Variants in TRA2B observed in about 807,000 individuals in gnomAD.
TRA2B encodes the protein transformer 2 beta homolog, also known as transformer-2 protein homolog beta.
Under a neutral mutation model 41.7 loss-of-function variants are expected in TRA2B, and 14 were observed. The observed-to-expected ratio is 0.34, with a 90% CI of 0.22 to 0.53. The LOEUF is 0.53. Ranked by LOEUF, TRA2B falls within the 20% of genes least tolerant of loss-of-function variation. The pLI, the probability that TRA2B is intolerant of heterozygous loss-of-function variation, is 0.95. For missense variants in TRA2B, 167 were observed against 396.8 expected (o/e 0.42, Z 4.92); for synonymous variants, 130 against 128.8 (o/e 1.01, Z -0.06).
intron 1 of TRA2B, chr3:185,934,501 G>A (rs1407569151): frequency 7.1e-6 from 7 of 985,316 alleles, no homozygotes; most frequent in South Asian, 4.7e-5. Flanking sequence ...CAATATTAAA[G>A]CATTCTTGTT....
At position 185,914,869 on chromosome 3, in the gene TRA2B, A is replaced by G. The variant is rs1462843408; in HGVS notation, c.*2846T>C. 6.6e-6 allele frequency among the ~76,000 whole-genome samples: 1 copy of G among 152,134 alleles called. No individual in the cohort carries two copies. Among genetic ancestry groups the G allele is most frequent in the Non-Finnish European group, 1.5e-5 (1 of 68,020 alleles). ...TTTATTTCTTCTCGGTGAAACTTCT[A>G]ATTCTCAATTTCTCCTCCTGGGCCT... On this transcript the variant is annotated 3_prime_UTR_variant, in exon 9 of 9. Transcript: ENST00000453386.
intron 1 of TRA2B, chr3:185,928,448 A>G (rs1351648879): frequency 6.6e-6 from 1 of 152,192 alleles, no homozygotes; most frequent in Non-Finnish European, 1.5e-5. Flanking sequence ...CTTTAACATC[A>G]AGAAATGGTT....
intron 1 of TRA2B, among the ~76,000 whole-genome samples, chr3:185,931,200 C>T (rs928713393): frequency 3.3e-5 from 5 of 152,248 alleles, no homozygotes; most frequent in Admixed American, 1.3e-4. Context: ...ATACATTGCT[C>T]AGTACTGAAG....
chr3:185,918,584 G>C (rs774063594), intron 7 of TRA2B, 146 bp from the exon 8 acceptor site: 1 of 496,688 alleles, frequency 2.0e-6, no homozygotes, highest in Non-Finnish European at 3.6e-6. Flanking sequence ...TAAATCTTGA[G>C]AATGAAGCAC....
At chr3:185,926,951 G>T in intron 1 of TRA2B, 1 of 514,836 alleles carries the variant, frequency 1.9e-6, no homozygotes, top group Non-Finnish European at 3.3e-6. Context: ...TTTTGGAGCA[G>T]GGATAAGAGT....
intron 1 of TRA2B, chr3:185,936,823 C>A: frequency 3.0e-6 from 3 of 985,346 alleles, no homozygotes; most frequent in Non-Finnish European, 3.6e-6. Context: ...GAATCCAATA[C>A]CCAGAGCCCC....
At chr3:185,924,143 A>G (rs868243325) in intron 3 of TRA2B, 159 bp from the exon 4 acceptor site, 12 of 550,400 alleles carry the variant, frequency 2.2e-5, no homozygotes, top group Middle Eastern at 3.9e-4. Flanking sequence ...AGCAAGTACT[A>G]CAAGTATTTT....
chr3:185,925,120 C>A (rs543773064), intron 3 of TRA2B: 36 of 158,320 alleles, frequency 2.3e-4, no homozygotes, highest in Middle Eastern at 3.0e-3. Flanking sequence ...GAGCATCTAA[C>A]TAGGTTTATG....
intron 1 of TRA2B, chr3:185,926,995 A>G (rs1431874537): frequency 5.3e-6 from 2 of 380,124 alleles, no homozygotes; most frequent in African/African-American, 2.1e-5. Context: ...AAGGGGTGCC[A>G]AAGTCAAGCA....
chr3:185,918,469 T>G, intron 7 of TRA2B, 31 bp from the exon 8 acceptor site: 3 of 1,486,876 alleles, frequency 2.0e-6, no homozygotes, highest in Non-Finnish European at 2.8e-6. Context: ...TGTCTAAGTC[T>G]CAATAGATCA....
Position 185,920,965 on chromosome 3 carries a change from CTGATT to C in TRA2B, c.722+134_722+138del, listed in dbSNP as rs531021844. 1.3e-3 allele frequency: 703 copies of C among 548,250 alleles called. 3 individuals are homozygous for C. The highest frequency in any genetic ancestry group is 0.011 in the African/African-American group (582 of 53,308). The allele number at this position is 548,250 out of a possible 1,614,324, so 34.0% of individuals were successfully genotyped here. ...TGATTAAGACACAGAACCTTAGAAT[CTGATT>C]TAACTTTCTACTCTGCATTTCTCGA... is the stretch of plus-strand genomic sequence containing the variant. On this transcript the variant is annotated intron_variant, in intron 6 of 8. Transcript: ENST00000453386.
At chr3:185,936,344 G>A in intron 1 of TRA2B, 2 of 985,242 alleles carry the variant, frequency 2.0e-6, no homozygotes, top group Non-Finnish European at 1.2e-6. Flanking sequence ...TCTTACCCAA[G>A]AAAGCAAGAA....
At chr3:185,931,482 ACTT>A in intron 1 of TRA2B, 1 of 922,328 alleles carries the variant, frequency 1.1e-6, no homozygotes, top group Non-Finnish European at 1.3e-6. Context: ...CCTGGAAGGC[ACTT>A]CTTTACCCTG....
intron 6 of TRA2B, 126 bp downstream of exon 6, chr3:185,920,977 TC>T: frequency 1.6e-6 from 1 of 626,794 alleles, no homozygotes; most frequent in Non-Finnish European, 2.6e-6. Flanking sequence ...GATTTAACTT[TC>T]TACTCTGCAT....
At chr3:185,931,912 C>G (rs1744161692) in intron 1 of TRA2B, 1 of 1,149,136 alleles carries the variant, frequency 8.7e-7, no homozygotes, top group East Asian at 3.3e-5. Context: ...AATCCAGTGC[C>G]AAAACTGAAA....
chr3:185,930,831 T>C lies in TRA2B; in HGVS notation c.37-4097A>G, dbSNP rs767979432. ...AATGTTGATAGCAAAAAAGGAGAAATAGGAATGAAAGCATCTGCCATTACT... is the reference window on the plus strand; with the variant it reads ...AATGTTGATAGCAAAAAAGGAGAAACAGGAATGAAAGCATCTGCCATTACT... On this transcript the variant is annotated intron_variant, in intron 1 of 8. Transcript: ENST00000453386. Among the ~76,000 whole-genome samples, 15 of 152,248 alleles carry C rather than the reference T, an allele frequency of 9.9e-5. No homozygotes were observed. In the South Asian group the frequency reaches 1.7e-3, roughly 17 times the overall value.
Position 185,937,961 on chromosome 3 carries a change from G to T in TRA2B, c.-101C>A, listed in dbSNP as rs1047300161. On this transcript the variant is annotated 5_prime_UTR_variant, in exon 1 of 9. Coordinates refer to ENST00000453386, the MANE Select transcript of TRA2B (RefSeq NM_004593.3). ...CCGCCGCAGCCCCGCACGACGCGCCGGTCGCCCAGCCGCTCAGAGCCGAAA... is the reference window on the plus strand; with the variant it reads ...CCGCCGCAGCCCCGCACGACGCGCCTGTCGCCCAGCCGCTCAGAGCCGAAA... 6.9e-6 allele frequency: 10 copies of T among 1,456,274 alleles called. No homozygotes were observed. The highest frequency in any genetic ancestry group is 5.6e-5 in the African/African-American group (4 of 71,672). 90.2% of individuals were successfully genotyped at this position (1,456,274 alleles called of 1,614,324 possible). A position where few individuals can be genotyped will look rare whatever the true frequency, so the allele number is the denominator to read the frequency against.
At chr3:185,934,402 C>A (rs1249554016) in intron 1 of TRA2B, 3 of 985,320 alleles carry the variant, frequency 3.0e-6, no homozygotes, top group Non-Finnish European at 3.6e-6. Context: ...TCCTTTTCAA[C>A]CTTTTGGCAA....
chr3:185,917,877 T>C (rs763478855), intron 8 of TRA2B, 152 bp from the exon 9 acceptor site: 8 of 705,580 alleles, frequency 1.1e-5, no homozygotes, highest in South Asian at 3.8e-5. Flanking sequence ...TCCATGTAAG[T>C]ATTACACCAG....
Sources: allele counts gnomAD v4.1 joint callset (sites outside exome capture counted in the v4.1 genomes callset), GRCh38; gene constraint gnomAD v4.1.1; transcripts MANE v1.5; gene names NCBI Gene and HGNC (gene_info 2026-07-23, HGNC 2026-07-21).